ADAM2: variants seen among roughly 807,000 people sequenced by gnomAD.
ADAM2 encodes the protein disintegrin and metalloproteinase domain-containing protein 2.
Under a neutral mutation model 99.3 loss-of-function variants are expected in ADAM2, and 101 were observed. That is an observed-to-expected ratio of 1.02 (90% CI 0.87 to 1.20). The LOEUF is 1.20. ADAM2 is among the 50% of genes most tolerant of loss of function. The pLI is 0.00. For synonymous variants in ADAM2, 323 were observed against 287.6 expected (o/e 1.12, Z -1.25); for missense variants, 948 against 878.7 (o/e 1.08, Z -1.00).
chr8:39,830,621 A>C lies in ADAM2; in HGVS notation c.188+3323T>G, dbSNP rs548971227. Among the ~76,000 whole-genome samples the C allele has an allele frequency of 3.1e-4, 47 of 152,326 alleles. No individual in the cohort carries two copies. In the South Asian group the frequency reaches 9.5e-3, roughly 31 times the overall value. ...GTAAGATGGATTCTGGATCAGAATC[A>C]TACCTTAAGAATAGGTGGTTTAATG... On this transcript the variant is annotated intron_variant, in intron 3 of 20. Transcript: ENST00000265708.
At chr8:39,791,410 T>G (rs1803706668) in intron 7 of ADAM2, among the ~76,000 whole-genome samples, 1 of 152,064 alleles carries the variant, frequency 6.6e-6, no homozygotes, top group Non-Finnish European at 1.5e-5. Flanking sequence ...GTTCATGAAT[T>G]GTATTGAAAA....
chr8:39,769,712 G>T, intron 11 of ADAM2, 137 bp from the exon 12 acceptor site: 1 of 600,290 alleles, frequency 1.7e-6, no homozygotes, highest in East Asian at 2.8e-5. Context: ...CAATCTCTGT[G>T]CATGGGAAGT....
chr8:39,749,381 C>A lies in ADAM2; in HGVS notation c.1945G>T (p.Asp649Tyr), dbSNP rs202043487. 1 of 1,613,388 alleles carries A rather than the reference C, an allele frequency of 6.2e-7. No individual in the cohort carries two copies. The highest frequency in any genetic ancestry group is 1.1e-5 in the South Asian group (1 of 91,036). Reference sequence around the variant, plus strand: ...TCAATACTCCCACCAGGCCATAGATCTGATTGAACTGAGCAATCTGGAGGT... The same window carrying A: ...TCAATACTCCCACCAGGCCATAGATATGATTGAACTGAGCAATCTGGAGGT... The part of the protein sequence containing the change: ...YLPPDCSVQS[D>Y]LWPGGSIDSG... Residue 649 changes from aspartate (D) to tyrosine (Y), a missense_variant, in exon 18 of 21, where the codon GAT becomes TAT. By Grantham distance (160) the Asp-to-Tyr change is radical. Transcript: ENST00000265708.
At chr8:39,760,593 C>T (rs1243939862) in intron 15 of ADAM2, among the ~76,000 whole-genome samples, 1 of 152,028 alleles carries the variant, frequency 6.6e-6, no homozygotes, top group East Asian at 1.9e-4. Context: ...TGGTGGCAGG[C>T]GCCTGCAGTC....
intron 10 of ADAM2, among the ~76,000 whole-genome samples, chr8:39,783,072 T>C (rs1803300249): frequency 6.6e-6 from 1 of 152,160 alleles, no homozygotes; most frequent in African/African-American, 2.4e-5. Context: ...GTATTTTTAA[T>C]GTCACTTAGC....
At chr8:39,795,256 A>G (rs1803889234) in intron 7 of ADAM2, among the ~76,000 whole-genome samples, 1 of 152,148 alleles carries the variant, frequency 6.6e-6, no homozygotes, top group Admixed American at 6.5e-5. Flanking sequence ...TGGCTATAGC[A>G]TTCCAAAATT....
At chr8:39,824,679 T>C in intron 4 of ADAM2, 140 bp downstream of exon 4, 1 of 643,284 alleles carries the variant, frequency 1.6e-6, no homozygotes, top group Non-Finnish European at 2.8e-6. Context: ...TACATCAGTA[T>C]ACATCATTAA....
chr8:39,821,619 G>T lies in ADAM2; in HGVS notation c.311C>A (p.Ser104Tyr). Residue 104 changes from serine to tyrosine, a missense_variant, in exon 5 of 21, where the codon TCT becomes TAT. Coordinates refer to ENST00000265708, the MANE Select transcript of ADAM2 (RefSeq NM_001464.5). ...YQGYIEGYPK[S>Y]VVMVSTCTGL... Reference sequence around the variant, plus strand: ...AGTACATGTGCTAACCATCACCACAGATTTTGGATAACCTTCAATATACCC... The same window carrying T: ...AGTACATGTGCTAACCATCACCACATATTTTGGATAACCTTCAATATACCC... 6.2e-7 allele frequency: 1 copy of T among 1,608,642 alleles called. No individual in the cohort carries two copies. Among genetic ancestry groups the T allele is most frequent in the Non-Finnish European group, 8.5e-7 (1 of 1,175,638 alleles).
At chr8:39,818,954 T>C (rs1425673151) in intron 6 of ADAM2, among the ~76,000 whole-genome samples, 1 of 152,090 alleles carries the variant, frequency 6.6e-6, no homozygotes, top group Admixed American at 6.6e-5. Context: ...ATTGTTAATA[T>C]AGCAGTATTC....
At position 39,801,531 on chromosome 8, in the gene ADAM2, C is replaced by T. The variant is rs563128068; in HGVS notation, c.570+7879G>A. 2.0e-5 allele frequency among the ~76,000 whole-genome samples: 3 copies of T among 152,270 alleles called. No homozygotes were observed. The East Asian group carries it at 5.8e-4, about 29-fold the overall frequency. On this transcript the variant is annotated intron_variant, in intron 7 of 20. Coordinates refer to ENST00000265708, the MANE Select transcript of ADAM2 (RefSeq NM_001464.5). ...GGAATAGGACTTGTTTAATGAAGGA[C>T]TTTGTTCCTTGGTGGAGAGGGTGTG...
chr8:39,761,792 A>G (rs1802378965), intron 14 of ADAM2, among the ~76,000 whole-genome samples: 1 of 152,136 alleles, frequency 6.6e-6, no homozygotes, highest in East Asian at 1.9e-4. Flanking sequence ...ATAAGATCCA[A>G]CCTACATGGC....
intron 6 of ADAM2, among the ~76,000 whole-genome samples, chr8:39,810,976 CA>C (rs1804669336): frequency 1.3e-5 from 2 of 151,752 alleles, no homozygotes; most frequent in African/African-American, 4.8e-5. Flanking sequence ...AAAAACCCTT[CA>C]AAAAAATCAA....
chr8:39,814,603 T>G (rs530762655), intron 6 of ADAM2, among the ~76,000 whole-genome samples: 1 of 152,144 alleles, frequency 6.6e-6, no homozygotes, highest in South Asian at 2.1e-4. Flanking sequence ...ACGTCAAAGG[T>G]CCTTGGTTAA....
chr8:39,806,899 G>A (rs1232300792), intron 7 of ADAM2, among the ~76,000 whole-genome samples: 1 of 152,136 alleles, frequency 6.6e-6, no homozygotes, highest in Non-Finnish European at 1.5e-5. Context: ...AATGAAGGAG[G>A]GCTGCCAGAC....
intron 18 of ADAM2, among the ~76,000 whole-genome samples, chr8:39,747,480 T>C (rs964458395): frequency 6.6e-6 from 1 of 152,146 alleles, no homozygotes; most frequent in Non-Finnish European, 1.5e-5. Flanking sequence ...GAAGGCCTTT[T>C]GTATAGAAGA....
intron 20 of ADAM2, 43 bp downstream of exon 20, chr8:39,744,787 T>C: frequency 7.6e-7 from 1 of 1,307,694 alleles, no homozygotes. Context: ...TGTGTCCCAG[T>C]ACTTAAAGTA....
At chr8:39,749,515 T>C in intron 17 of ADAM2, 65 bp from the exon 18 acceptor site, 1 of 1,549,366 alleles carries the variant, frequency 6.5e-7, no homozygotes, top group Middle Eastern at 1.7e-4. Context: ...TCAAGTAGAA[T>C]TATAAAATAA....
chr8:39,802,315 AT>A (rs1402545262), intron 7 of ADAM2, among the ~76,000 whole-genome samples: 1 of 152,142 alleles, frequency 6.6e-6, no homozygotes, highest in African/African-American at 2.4e-5. Context: ...CTTCTAGTCA[AT>A]TTTGATGAAA....
chr8:39,808,633 G>A (rs546682915), intron 7 of ADAM2, among the ~76,000 whole-genome samples: 19 of 152,140 alleles, frequency 1.2e-4, no homozygotes, highest in Admixed American at 1.2e-3. Flanking sequence ...TAAGGAAAAA[G>A]TTGGCCAGGC....
Sources: gnomAD v4.1 joint callset for allele counts (sites outside exome capture counted in the v4.1 genomes callset) on GRCh38, gnomAD v4.1.1 for gene constraint, MANE v1.5 for transcripts, NCBI Gene and HGNC (gene_info 2026-07-23, HGNC 2026-07-21) for gene names.